ZFHX3: variants seen among roughly 807,000 people sequenced by gnomAD.
ZFHX3 encodes zinc finger homeobox 3, also known as zinc finger homeobox protein 3.
ZFHX3 carries 42 observed loss-of-function variants against 279.1 expected under a neutral mutation model. The ratio of observed to expected loss-of-function variants is 0.15; its 90% CI spans 0.12 to 0.19. ZFHX3 has a LOEUF of 0.19. ZFHX3 is among the 10% of genes least tolerant of loss of function. ZFHX3 has a pLI of 1.00. For synonymous variants in ZFHX3, 2,293 were observed against 1,957.8 expected (o/e 1.17, Z -4.52); for missense variants, 4,981 against 4,754.0 (o/e 1.05, Z -1.40).
At chr16:73,198,341 CTTTT>C (rs79436905) in intron 5 of ZFHX3, among the ~76,000 whole-genome samples, 1 of 130,204 alleles carries the variant, frequency 7.7e-6, no homozygotes, top group Non-Finnish European at 1.7e-5. Flanking sequence ...ATGCTGGTAT[CTTTT>C]TTTTTTTTTT....
At chr16:73,291,380 T>A (rs2014766491) in intron 4 of ZFHX3, among the ~76,000 whole-genome samples, 1 of 152,126 alleles carries the variant, frequency 6.6e-6, no homozygotes, top group South Asian at 2.1e-4. Context: ...AGTTTCCAGG[T>A]TCTTGAACAT....
intron 4 of ZFHX3, among the ~76,000 whole-genome samples, chr16:72,876,288 G>C (rs2038310275): frequency 6.6e-6 from 1 of 152,172 alleles, no homozygotes; most frequent in Non-Finnish European, 1.5e-5. Context: ...AGATGGCTCA[G>C]GGATCCAGTC....
At chr16:73,749,585 A>C (rs939253233) in intron 1 of ZFHX3, among the ~76,000 whole-genome samples, 1 of 152,212 alleles carries the variant, frequency 6.6e-6, no homozygotes, top group Non-Finnish European at 1.5e-5. Flanking sequence ...ACAGAATAAC[A>C]CAACAAAGAC....
At chr16:73,181,096 T>TTTG (rs748401563) in intron 5 of ZFHX3, among the ~76,000 whole-genome samples, 12,064 of 124,846 alleles carry the variant, frequency 0.097, 655 homozygotes, top group South Asian at 0.17. Context: ...TTTTGTTTTG[T>TTTG]TTTGTTTTGT....
intron 4 of ZFHX3, among the ~76,000 whole-genome samples, chr16:73,296,503 T>C (rs75633943): frequency 6.6e-6 from 1 of 152,206 alleles, no homozygotes; most frequent in Non-Finnish European, 1.5e-5. Context: ...AAAATTACTC[T>C]CTTTTAGCAA....
intron 4 of ZFHX3, among the ~76,000 whole-genome samples, chr16:72,882,008 G>A (rs146602784): frequency 3.7e-4 from 57 of 152,126 alleles, no homozygotes; most frequent in African/African-American, 1.3e-3. Context: ...GGCTCCCTTG[G>A]GGGTCCCCAT....
chr16:73,836,802 C>T (rs905660203), intron 1 of ZFHX3, among the ~76,000 whole-genome samples: 3 of 152,146 alleles, frequency 2.0e-5, no homozygotes, highest in Non-Finnish European at 2.9e-5. Context: ...ATGATTAGTT[C>T]GTTAAGCTAG....
intron 8 of ZFHX3, among the ~76,000 whole-genome samples, chr16:73,065,067 G>A (rs1324584692): frequency 6.6e-6 from 1 of 152,250 alleles, no homozygotes; most frequent in East Asian, 1.9e-4. Flanking sequence ...ATAACTTGGG[G>A]GAATGGTAGA....
At chr16:73,691,930 T>C (rs1361832509) in intron 1 of ZFHX3, among the ~76,000 whole-genome samples, 2 of 152,230 alleles carry the variant, frequency 1.3e-5, no homozygotes, top group Non-Finnish European at 2.9e-5. Context: ...AATGGTAATA[T>C]TGCTGTTGAC....
rs561075792 is a variant in ZFHX3 at position 73,644,762 on chromosome 16, G to C, written c.-1547+35418C>G. On this transcript the variant is annotated intron_variant, in intron 2 of 17. Coordinates refer to the ZFHX3 transcript ENST00000641206. Reference sequence around the variant, plus strand: ...GACTGCACGCATTACCCTCTACAAAGCACCCTCAACTCCTCCAAATAGGTA... The same window carrying C: ...GACTGCACGCATTACCCTCTACAAACCACCCTCAACTCCTCCAAATAGGTA... 5.9e-5 allele frequency among the ~76,000 whole-genome samples: 9 copies of C among 152,190 alleles called. No homozygotes were observed. The East Asian group carries it at 1.7e-3, about 29-fold the overall frequency.
At chr16:72,857,137 C>T (rs1301007235) in intron 4 of ZFHX3, among the ~76,000 whole-genome samples, 1 of 152,210 alleles carries the variant, frequency 6.6e-6, no homozygotes, top group Non-Finnish European at 1.5e-5. Context: ...AGATGGGCAG[C>T]CAGTTGATAC....
intron 5 of ZFHX3, among the ~76,000 whole-genome samples, chr16:73,148,811 G>A (rs1319624118): frequency 2.0e-5 from 3 of 151,412 alleles, no homozygotes; most frequent in Non-Finnish European, 4.4e-5. Flanking sequence ...GTCAGGTGTG[G>A]TGCCATGAGC....
chr16:72,869,933 T>C (rs181158803), intron 4 of ZFHX3, among the ~76,000 whole-genome samples: 2 of 152,158 alleles, frequency 1.3e-5, no homozygotes, highest in East Asian at 3.8e-4. Flanking sequence ...CATGAAACAA[T>C]ACACGAGAAA....
At chr16:73,816,712 G>A (rs916751239) in intron 1 of ZFHX3, among the ~76,000 whole-genome samples, 12 of 152,166 alleles carry the variant, frequency 7.9e-5, no homozygotes, top group Non-Finnish European at 1.5e-4. Context: ...CAAACAGAGA[G>A]AAAGGATTGG....
At chr16:73,423,178 G>T (rs2017749366) in intron 3 of ZFHX3, among the ~76,000 whole-genome samples, 1 of 152,104 alleles carries the variant, frequency 6.6e-6, no homozygotes, top group Non-Finnish European at 1.5e-5. Context: ...TGCAGGGGCT[G>T]GGGAGGGACA....
At chr16:72,932,675 A>T (rs919606515) in intron 3 of ZFHX3, among the ~76,000 whole-genome samples, 1 of 147,172 alleles carries the variant, frequency 6.8e-6, no homozygotes, top group Non-Finnish European at 1.5e-5. Context: ...AAAAAAAAAA[A>T]TCCACTGACC....
chr16:73,374,713 A>T (rs982359860), intron 3 of ZFHX3, among the ~76,000 whole-genome samples: 4 of 152,156 alleles, frequency 2.6e-5, no homozygotes, highest in Non-Finnish European at 5.9e-5. Context: ...TGAACTTTCA[A>T]TCTCTTTTTG....
intron 2 of ZFHX3, among the ~76,000 whole-genome samples, chr16:73,476,030 G>A (rs999381231): frequency 2.0e-5 from 3 of 152,080 alleles, no homozygotes; most frequent in African/African-American, 7.2e-5. Flanking sequence ...ATTTTGAACA[G>A]GAAATCTTGC....
At chr16:72,856,371 G>T (rs2143866798) in intron 4 of ZFHX3, among the ~76,000 whole-genome samples, 1 of 152,332 alleles carries the variant, frequency 6.6e-6, no homozygotes, top group African/African-American at 2.4e-5. Flanking sequence ...CAAGACCTGG[G>T]GGGCTCACGA....
Sources: gnomAD v4.1 joint callset for allele counts (sites outside exome capture counted in the v4.1 genomes callset) on GRCh38, gnomAD v4.1.1 for gene constraint, MANE v1.5 for transcripts, NCBI Gene and HGNC (gene_info 2026-07-23, HGNC 2026-07-21) for gene names.